The following PCDH11Y variants were observed in gnomAD, a reference collection of about 807,000 sequenced individuals.
PCDH11Y encodes the protein protocadherin-11 Y-linked.
For synonymous variants in PCDH11Y, 9 were observed against 83.6 expected, an observed-to-expected ratio of 0.11 and a Z score of 4.87; for missense variants, 12 against 224.8, an observed-to-expected ratio of 0.05 and a Z score of 6.05.
chrY:5,286,362 T>TTTG (rs2053060514), intron 2 of PCDH11Y, among the ~76,000 whole-genome samples: 1 of 33,225 alleles, frequency 3.0e-5, no homozygotes, highest in Non-Finnish European at 7.5e-5. Flanking sequence ...GGGTTGATTT[T>TTTG]TTTGTTTGTT....
intron 2 of PCDH11Y, among the ~76,000 whole-genome samples, chrY:5,314,822 A>G (rs2124664998): frequency 3.0e-5 from 1 of 33,224 alleles, no homozygotes; most frequent in East Asian, 8.1e-4. Context: ...AATTGATGCT[A>G]TCAGATACAG....
intron 2 of PCDH11Y, among the ~76,000 whole-genome samples, chrY:5,265,315 T>C (rs2124658661): frequency 3.4e-5 from 1 of 29,346 alleles, no homozygotes; most frequent in East Asian, 9.2e-4. Context: ...AGGCTTCTGG[T>C]TGGCCATTTT....
At chrY:5,720,695 A>G in intron 4 of PCDH11Y, among the ~76,000 whole-genome samples, 1 of 33,250 alleles carries the variant, frequency 3.0e-5, no homozygotes, top group African/African-American at 1.2e-4. Context: ...ACAGCAGCCA[A>G]AAGTTGGAAG....
At chrY:5,387,317 C>G in intron 2 of PCDH11Y, among the ~76,000 whole-genome samples, 3 of 33,788 alleles carry the variant, frequency 8.9e-5, no homozygotes, top group Non-Finnish European at 2.2e-4. Context: ...TGAGCCACCG[C>G]TCCTGGACAT....
intron 2 of PCDH11Y, among the ~76,000 whole-genome samples, chrY:5,343,139 A>T (rs2124669100): frequency 1.2e-4 from 4 of 33,504 alleles, no homozygotes; most frequent in Non-Finnish European, 3.0e-4. Context: ...ATAAACACGT[A>T]TCTTTTCAAA....
intron 3 of PCDH11Y, among the ~76,000 whole-genome samples, chrY:5,544,400 T>C: frequency 1.8e-4 from 6 of 32,778 alleles, no homozygotes; most frequent in Admixed American, 1.7e-3. Context: ...TGAAATTTAT[T>C]TGTAGACAGG....
At chrY:5,712,384 C>T in intron 4 of PCDH11Y, among the ~76,000 whole-genome samples, 6 of 33,479 alleles carry the variant, frequency 1.8e-4, no homozygotes, top group Admixed American at 2.7e-4. Context: ...TTGTATGCAG[C>T]TTTGTCTTTG....
chrY:5,165,299 C>G, intron 2 of PCDH11Y, among the ~76,000 whole-genome samples: 1 of 32,609 alleles, frequency 3.1e-5, no homozygotes, highest in African/African-American at 1.2e-4. Flanking sequence ...CCATTCTGGA[C>G]TATAAAATGT....
chrY:5,567,014 T>C, intron 3 of PCDH11Y, among the ~76,000 whole-genome samples: 1 of 32,022 alleles, frequency 3.1e-5, no homozygotes, highest in African/African-American at 1.2e-4. Context: ...TCAAAAGGCA[T>C]ATTCATGGAA....
At chrY:5,154,657 C>T (rs1602877336) in intron 2 of PCDH11Y, among the ~76,000 whole-genome samples, 8 of 29,148 alleles carry the variant, frequency 2.7e-4, no homozygotes, top group Non-Finnish European at 6.6e-4. Context: ...GTGTTGTGTG[C>T]GTGTGTGTGT....
intron 1 of PCDH11Y, among the ~76,000 whole-genome samples, chrY:5,013,365 T>G: frequency 3.1e-5 from 1 of 32,769 alleles, no homozygotes; most frequent in East Asian, 8.0e-4. Context: ...TTTAAGTCAT[T>G]TATATTTCCA....
At chrY:5,657,680 A>G (rs1602957012) in intron 4 of PCDH11Y, among the ~76,000 whole-genome samples, 2 of 31,431 alleles carry the variant, frequency 6.4e-5, no homozygotes, top group Admixed American at 5.9e-4. Flanking sequence ...TTCTTTTTTT[A>G]TCCTTTTAGT....
exon 2 of PCDH11Y, chrY:5,099,235 A>G: frequency 2.5e-6 from 1 of 396,707 alleles, no homozygotes; most frequent in African/African-American, 6.4e-5. Context: ...TCGTACAGGC[A>G]TGCTGACTGT....
At chrY:5,302,207 G>A (rs926101716) in intron 2 of PCDH11Y, among the ~76,000 whole-genome samples, 2 of 19,975 alleles carry the variant, frequency 1.0e-4, no homozygotes, top group African/African-American at 4.2e-4. Context: ...GGAAGGAAGG[G>A]AGGAAGGAAG....
chrY:5,022,819 C>T, intron 1 of PCDH11Y, among the ~76,000 whole-genome samples: 1 of 32,412 alleles, frequency 3.1e-5, no homozygotes, highest in Admixed American at 2.9e-4. Flanking sequence ...AAGGTAACAT[C>T]GGCTGCATAT....
At chrY:5,146,781 G>C in intron 2 of PCDH11Y, among the ~76,000 whole-genome samples, 1 of 19,509 alleles carries the variant, frequency 5.1e-5, no homozygotes, top group Admixed American at 5.3e-4. Flanking sequence ...GGGTGTGTCT[G>C]TGAGGGTGTT....
chrY:5,242,086 TA>T (rs2052988903), intron 2 of PCDH11Y, among the ~76,000 whole-genome samples: 5 of 22,304 alleles, frequency 2.2e-4, no homozygotes, highest in Admixed American at 4.4e-4. Context: ...CTTGTCTCTA[TA>T]AAAAAAAAAA....
At chrY:5,362,126 A>C (rs2124671908) in intron 2 of PCDH11Y, among the ~76,000 whole-genome samples, 1 of 33,450 alleles carries the variant, frequency 3.0e-5, no homozygotes, top group African/African-American at 1.2e-4. Flanking sequence ...ATCACATACC[A>C]TACAATTGAC....
downstream of PCDH11Y, among the ~76,000 whole-genome samples, chrY:5,102,027 A>G (rs867781216): frequency 7.0e-3 from 232 of 33,358 alleles, no homozygotes; most frequent in African/African-American, 0.026. Context: ...AACGTAAGGT[A>G]CTAATTCAGA....
Sources: gnomAD v4.1 joint callset for allele counts (sites outside exome capture counted in the v4.1 genomes callset) on GRCh38, gnomAD v4.1.1 for gene constraint, MANE v1.5 for transcripts, NCBI Gene and HGNC (gene_info 2026-07-23, HGNC 2026-07-21) for gene names.